AZIN1: variants seen among roughly 807,000 people sequenced by gnomAD.
The protein encoded by AZIN1 is antizyme inhibitor 1, also known as ornithine decarboxylase antizyme inhibitor.
AZIN1 carries 12 observed loss-of-function variants against 47.4 expected under a neutral mutation model. That is an observed-to-expected ratio of 0.25 (90% CI 0.16 to 0.41). The LOEUF (loss-of-function observed/expected upper bound fraction) is 0.41, where lower values mean the gene tolerates loss of function less well. Among genes scored for constraint, AZIN1 ranks in the 10% least tolerant of loss-of-function variants. AZIN1 has a pLI of 1.00. For synonymous variants in AZIN1, 155 were observed against 176.3 expected, an observed-to-expected ratio of 0.88 and a Z score of 0.96; for missense variants, 410 against 532.4, an observed-to-expected ratio of 0.77 and a Z score of 2.26.
At chr8:102,850,724 G>C (rs746070511) in intron 2 of AZIN1, among the ~76,000 whole-genome samples, 69 of 152,316 alleles carry the variant, frequency 4.5e-4, no homozygotes, top group Non-Finnish European at 7.5e-4. Flanking sequence ...AAGAAAGCCA[G>C]TAATCACAAT....
chr8:102,832,995 AT>A, intron 9 of AZIN1, 60 bp downstream of exon 9: 2 of 1,435,706 alleles, frequency 1.4e-6, no homozygotes, highest in Non-Finnish European at 1.9e-6. Context: ...CCATCTGCTC[AT>A]TTCCAGACTA....
rs1237587190 is a variant in AZIN1 at position 102,838,747 on chromosome 8, G to C, written c.446C>G (p.Ala149Gly). 2 of 1,609,668 alleles carry C rather than the reference G, an allele frequency of 1.2e-6. No homozygotes were observed. The highest frequency in any genetic ancestry group is 1.1e-5 in the South Asian group (1 of 90,202). ...LKKIARNHPN[A>G]KVLLHIATED... ...AAGTACTTAATTTTATACTTACTTG[G>C]CATTTGGGTGATTACGTGCAATTTT... Residue 149 changes from alanine to glycine, a missense_variant, in exon 5 of 12, where the codon GCC becomes GGC. Physicochemically the swap from Ala to Gly is moderately conservative, Grantham distance 60. Around this residue, in one of 3 missense-constraint regions of AZIN1, gnomAD observed 237 missense variants for 309.4 expected, o/e 0.77. Transcript: ENST00000337198.
intron 2 of AZIN1, among the ~76,000 whole-genome samples, chr8:102,844,000 T>C (rs979804357): frequency 1.3e-5 from 2 of 152,214 alleles, no homozygotes; most frequent in Non-Finnish European, 2.9e-5. Context: ...TACAAGCCTA[T>C]ATGGTCACCT....
chr8:102,834,284 T>A (rs760130008), intron 7 of AZIN1, 21 bp from the exon 8 acceptor site: 475 of 1,571,426 alleles, frequency 3.0e-4, no homozygotes, highest in Non-Finnish European at 3.7e-4. Context: ...AAAAAAAAAA[T>A]TTAAATGTTT....
chr8:102,839,772 G>T lies in AZIN1; in HGVS notation c.154C>A (p.His52Asn). ...GCCACTACATTCTGCCATTGACTGT[G>T]TTTCTTCACAATCTTTCCAAGATCT... ...VGDLGKIVKK[H>N]SQWQNVVAQI... The change falls in exon 4 of 12, where the codon CAC becomes AAC. Residue 52 changes from histidine to asparagine, a missense_variant. Coordinates refer to ENST00000337198, the MANE Select transcript of AZIN1 (RefSeq NM_148174.4). 6.2e-7 allele frequency: 1 copy of T among 1,603,418 alleles called. No individual in the cohort carries two copies. The highest frequency in any genetic ancestry group is 2.2e-5 in the East Asian group (1 of 44,482).
intron 9 of AZIN1, among the ~76,000 whole-genome samples, chr8:102,830,396 T>C (rs1424787073): frequency 8.1e-6 from 1 of 122,848 alleles, no homozygotes; most frequent in African/African-American, 3.2e-5. Flanking sequence ...AATGAGACCC[T>C]GTCTCAAAAA....
At chr8:102,842,944 C>T (rs1374806912) in intron 3 of AZIN1, among the ~76,000 whole-genome samples, 3 of 150,952 alleles carry the variant, frequency 2.0e-5, no homozygotes, top group African/African-American at 4.9e-5. Context: ...AGGCTGGGCG[C>T]GGTGGCTCGT....
intron 3 of AZIN1, among the ~76,000 whole-genome samples, chr8:102,841,226 T>C (rs779107845): frequency 3.3e-5 from 5 of 152,092 alleles, no homozygotes; most frequent in Non-Finnish European, 7.4e-5. Flanking sequence ...ATGGAGGAGA[T>C]GAATACCAGG....
At chr8:102,835,175 T>C (rs992825099) in intron 6 of AZIN1, 3 of 158,840 alleles carry the variant, frequency 1.9e-5, no homozygotes, top group African/African-American at 7.2e-5. Flanking sequence ...TAAATAAAAA[T>C]GAACATTAAT....
At chr8:102,841,356 C>A (rs62522603) in intron 3 of AZIN1, among the ~76,000 whole-genome samples, 15,943 of 152,128 alleles carry the variant, frequency 0.1, 1,158 homozygotes, top group Admixed American at 0.22. Flanking sequence ...GAGGAGTAAT[C>A]CTCATTGAAT....
intron 1 of AZIN1, among the ~76,000 whole-genome samples, chr8:102,859,751 G>C (rs1447062080): frequency 6.6e-6 from 1 of 152,144 alleles, no homozygotes; most frequent in Non-Finnish European, 1.5e-5. Context: ...CACAAGAATT[G>C]CTTGAACTCA....
intron 2 of AZIN1, among the ~76,000 whole-genome samples, chr8:102,857,228 T>C (rs761920204): frequency 3.9e-5 from 6 of 152,214 alleles, no homozygotes; most frequent in Non-Finnish European, 8.8e-5. Flanking sequence ...CAAACACTTT[T>C]ATCGAATAGG....
At chr8:102,830,663 GAAAAGA>G (rs71574080) in intron 9 of AZIN1, among the ~76,000 whole-genome samples, 15,528 of 147,074 alleles carry the variant, frequency 0.11, 1,116 homozygotes, top group Admixed American at 0.22. Context: ...AAAAAAAAAA[GAAAAGA>G]AAAAGAAAAA....
chr8:102,862,638 T>A (rs762203616), intron 1 of AZIN1, among the ~76,000 whole-genome samples: 1 of 152,230 alleles, frequency 6.6e-6, no homozygotes, highest in Non-Finnish European at 1.5e-5. Flanking sequence ...GTACTTCTAC[T>A]TTGTGCTTTG....
At chr8:102,847,206 T>C (rs28649644) in intron 2 of AZIN1, among the ~76,000 whole-genome samples, 11,046 of 152,160 alleles carry the variant, frequency 0.073, 1,351 homozygotes, top group African/African-American at 0.25. Flanking sequence ...ACAGATGTAG[T>C]ACATTAACAT....
intron 9 of AZIN1, among the ~76,000 whole-genome samples, chr8:102,831,481 A>G (rs1335130101): frequency 6.6e-6 from 1 of 151,552 alleles, no homozygotes; most frequent in African/African-American, 2.4e-5. Flanking sequence ...AAATTAAAAA[A>G]AAAAAAAAAA....
At chr8:102,830,085 CAAGAA>C in intron 9 of AZIN1, 149 bp from the exon 10 acceptor site, 1 of 607,374 alleles carries the variant, frequency 1.6e-6, no homozygotes, top group Non-Finnish European at 2.9e-6. Flanking sequence ...CCAATGAGCA[CAAGAA>C]AAGAGTGCTC....
intron 1 of AZIN1, among the ~76,000 whole-genome samples, chr8:102,862,301 AACTTT>A (rs1295242525): frequency 6.6e-6 from 1 of 152,156 alleles, no homozygotes; most frequent in African/African-American, 2.4e-5. Context: ...AGGGGTCTCC[AACTTT>A]ACTTTGAAAT....
intron 2 of AZIN1, among the ~76,000 whole-genome samples, chr8:102,852,708 C>G (rs1812991960): frequency 6.6e-6 from 1 of 152,168 alleles, no homozygotes; most frequent in East Asian, 1.9e-4. Flanking sequence ...CCCCGTAACC[C>G]AGTATGCTAC....
Sources: gnomAD v4.1 joint callset for allele counts (sites outside exome capture counted in the v4.1 genomes callset) on GRCh38, gnomAD v4.1.1 for gene constraint, gnomAD v4.1.1 regional missense constraint, MANE v1.5 for transcripts, NCBI Gene and HGNC (gene_info 2026-07-23, HGNC 2026-07-21) for gene names.